The following PBX1 variants were observed in gnomAD, a reference collection of about 807,000 sequenced individuals.
The protein encoded by PBX1 is PBX homeobox 1, also known as pre-B-cell leukemia transcription factor 1.
In PBX1, 6 loss-of-function variants were observed where a neutral mutation model predicts 53.4. The observed-to-expected ratio is 0.11, with a 90% CI of 0.06 to 0.22. The LOEUF is 0.22. Among genes scored for constraint, PBX1 ranks in the 10% least tolerant of loss-of-function variants. The probability of loss-of-function intolerance (pLI) is 1.00; values close to 1 mark genes in which losing one functional copy is unlikely to be tolerated. For missense variants in PBX1, 251 were observed against 551.4 expected (o/e 0.46, Z 5.46); for synonymous variants, 204 against 212.3 (o/e 0.96, Z 0.34).
At chr1:164,641,597 G>C (rs1437145611) in intron 2 of PBX1, 1 of 152,242 alleles carries the variant, frequency 6.6e-6, no homozygotes, top group East Asian at 1.9e-4. Flanking sequence ...CCTTCCCTCA[G>C]CTATTCACTA....
intron 2 of PBX1, among the ~76,000 whole-genome samples, chr1:164,754,689 G>A (rs537781405): frequency 1.0e-4 from 15 of 150,696 alleles, no homozygotes; most frequent in Middle Eastern, 3.4e-3. Context: ...ACGTGCGTGC[G>A]TGTGTGTGTG....
At chr1:164,762,554 A>G (rs1666865155) in intron 2 of PBX1, among the ~76,000 whole-genome samples, 1 of 152,214 alleles carries the variant, frequency 6.6e-6, no homozygotes, top group South Asian at 2.1e-4. Flanking sequence ...CAACCTGGTA[A>G]TTAGTTATCT....
intron 1 of PBX1, 182 bp from the exon 2 acceptor site, chr1:164,563,056 C>A: frequency 2.5e-6 from 1 of 395,242 alleles, no homozygotes; most frequent in Non-Finnish European, 4.6e-6. Context: ...TGCTAATTAA[C>A]ATTATTTCTT....
intron 2 of PBX1, among the ~76,000 whole-genome samples, chr1:164,865,160 A>T (rs1264422604): frequency 6.6e-6 from 1 of 152,244 alleles, no homozygotes; most frequent in East Asian, 1.9e-4. Context: ...CATGATTCCC[A>T]TTCTGCAGGT....
chr1:164,726,779 A>G (rs1042273606), intron 2 of PBX1, among the ~76,000 whole-genome samples: 1 of 152,132 alleles, frequency 6.6e-6, no homozygotes, highest in African/African-American at 2.4e-5. Context: ...TTCTTCAAAA[A>G]AGAGTTCTTC....
At chr1:164,765,990 G>A (rs1439108693) in intron 2 of PBX1, among the ~76,000 whole-genome samples, 1 of 152,124 alleles carries the variant, frequency 6.6e-6, no homozygotes, top group Non-Finnish European at 1.5e-5. Flanking sequence ...AATGCCGTTG[G>A]GGGAAAAAAG....
At chr1:164,806,426 A>G (rs991501491) in intron 4 of PBX1, among the ~76,000 whole-genome samples, 1 of 152,162 alleles carries the variant, frequency 6.6e-6, no homozygotes, top group African/African-American at 2.4e-5. Flanking sequence ...AGGGATGTCA[A>G]GCTGTTGGGG....
chr1:164,841,387 C>T (rs966392465), intron 8 of PBX1, among the ~76,000 whole-genome samples: 1 of 152,118 alleles, frequency 6.6e-6, no homozygotes, highest in Admixed American at 6.5e-5. Flanking sequence ...AAGGCTGCGG[C>T]AGAGCTGCTG....
chr1:164,598,031 G>A (rs1414577915), intron 2 of PBX1, among the ~76,000 whole-genome samples: 2 of 152,112 alleles, frequency 1.3e-5, no homozygotes, highest in Non-Finnish European at 2.9e-5. Flanking sequence ...CTGGCATTTG[G>A]TGAGGGCCTT....
At chr1:164,587,682 T>TG (rs1478361026) in intron 2 of PBX1, among the ~76,000 whole-genome samples, 2 of 152,206 alleles carry the variant, frequency 1.3e-5, no homozygotes. Context: ...GATTAATGAA[T>TG]AGTCATCCTG....
intron 2 of PBX1, among the ~76,000 whole-genome samples, chr1:164,603,153 G>A (rs1466774691): frequency 1.5e-5 from 2 of 134,552 alleles, no homozygotes; most frequent in South Asian, 2.5e-4. Context: ...AATGAGGCTA[G>A]GGAAGCAGCA....
intron 2 of PBX1, among the ~76,000 whole-genome samples, chr1:164,776,942 G>GAGAGAGAGAGAGA (rs749459325): frequency 6.9e-5 from 3 of 43,566 alleles, no homozygotes; most frequent in East Asian, 1.4e-3. Flanking sequence ...TGTGGTGGGA[G>GAGAGAGAGAGAGA]GAGAGAGAGA....
chr1:164,820,039 T>C (rs1288393925), intron 6 of PBX1, 33 bp from the exon 7 acceptor site: 12 of 1,373,446 alleles, frequency 8.7e-6, no homozygotes, highest in Non-Finnish European at 1.2e-5. Context: ...TTTTCCTTTC[T>C]GTGATTCAGG....
Position 164,849,166 on chromosome 1 carries a change from A to G in PBX1, c.*2490A>G, listed in dbSNP as rs1041811075. On this transcript the variant is annotated 3_prime_UTR_variant, in exon 9 of 9. Coordinates refer to ENST00000420696, the MANE Select transcript of PBX1 (RefSeq NM_002585.4). ...AGACAAAAGGGTTCTCTTGGAAACA[A>G]GAAGAGTGACTCCAGATGTGGCCTG... 6.4e-6 allele frequency: 9 copies of G among 1,403,840 alleles called. No individual in the cohort carries two copies. The highest frequency in any genetic ancestry group is 2.6e-5 in the East Asian group (1 of 38,668). 87.0% of individuals were successfully genotyped at this position (1,403,840 alleles called of 1,614,324 possible).
chr1:164,681,472 A>G (rs1661770489), intron 2 of PBX1, among the ~76,000 whole-genome samples: 1 of 152,226 alleles, frequency 6.6e-6, no homozygotes. Flanking sequence ...ATATTAAGAT[A>G]TTAATTTCAA....
At chr1:164,656,486 A>G (rs562706693) in intron 2 of PBX1, among the ~76,000 whole-genome samples, 1 of 152,298 alleles carries the variant, frequency 6.6e-6, no homozygotes, top group Admixed American at 6.5e-5. Context: ...GTTAGTTTAG[A>G]TCAACATACT....
chr1:164,741,716 G>A (rs1665616196), intron 2 of PBX1, among the ~76,000 whole-genome samples: 1 of 150,022 alleles, frequency 6.7e-6, no homozygotes, highest in African/African-American at 2.5e-5. Flanking sequence ...ATCCTAGGAG[G>A]TTGGAGTGAG....
chr1:164,862,741 C>T (rs185198330), intron 2 of PBX1, among the ~76,000 whole-genome samples: 3 of 152,304 alleles, frequency 2.0e-5, no homozygotes, highest in Admixed American at 6.5e-5. Context: ...CCCCAGCACT[C>T]GGTCCAGCCA....
intron 2 of PBX1, among the ~76,000 whole-genome samples, chr1:164,583,136 T>TTGTA (rs1654730977): frequency 6.6e-6 from 1 of 152,190 alleles, no homozygotes; most frequent in Admixed American, 6.5e-5. Flanking sequence ...AATAGTTATA[T>TTGTA]TGTACTCTAG....
Sources: allele counts gnomAD v4.1 joint callset (sites outside exome capture counted in the v4.1 genomes callset), GRCh38; gene constraint gnomAD v4.1.1; transcripts MANE v1.5; gene names NCBI Gene and HGNC (gene_info 2026-07-23, HGNC 2026-07-21).